The following CSMD1 variants were observed in gnomAD, a reference collection of about 807,000 sequenced individuals.
CSMD1 encodes CUB and sushi domain-containing protein 1.
Under a neutral mutation model 417.5 loss-of-function variants are expected in CSMD1, and 213 were observed. The ratio of observed to expected loss-of-function variants is 0.51; its 90% confidence interval spans 0.46 to 0.57. CSMD1 has a LOEUF of 0.57. Among genes scored for constraint, CSMD1 ranks in the 20% least tolerant of loss-of-function variants. The probability of loss-of-function intolerance (pLI) is 0.00; values close to 1 mark genes in which losing one functional copy is unlikely to be tolerated. For missense variants in CSMD1, 6,923 were observed against 4,529.7 expected, an observed-to-expected ratio of 1.53 and a Z score of -15.17; for synonymous variants, 2,862 against 1,736.8, an observed-to-expected ratio of 1.65 and a Z score of -16.11.
At chr8:4,843,304 C>T (rs1433607856) in intron 1 of CSMD1, among the ~76,000 whole-genome samples, 1 of 152,148 alleles carries the variant, frequency 6.6e-6, no homozygotes, top group East Asian at 1.9e-4. Flanking sequence ...ACCAGTATTT[C>T]TACCACCAGA....
At chr8:4,375,678 A>T (rs1384099203) in intron 3 of CSMD1, among the ~76,000 whole-genome samples, 1 of 152,122 alleles carries the variant, frequency 6.6e-6, no homozygotes, top group Admixed American at 6.6e-5. Context: ...GAATGCCCAC[A>T]GAGTGAGAGG....
intron 1 of CSMD1, among the ~76,000 whole-genome samples, chr8:4,940,598 T>G (rs1341941944): frequency 6.6e-6 from 1 of 152,208 alleles, no homozygotes; most frequent in Non-Finnish European, 1.5e-5. Flanking sequence ...GTCAGTGTTT[T>G]GATTCTGTTT....
At chr8:4,126,813 G>A (rs953711198) in intron 3 of CSMD1, among the ~76,000 whole-genome samples, 2 of 152,282 alleles carry the variant, frequency 1.3e-5, no homozygotes, top group East Asian at 3.9e-4. Flanking sequence ...GTCCTAACCT[G>A]GGGTAGGAGA....
chr8:3,753,863 G>A, intron 6 of CSMD1, 67 bp downstream of exon 6: 1 of 1,111,718 alleles, frequency 9.0e-7, no homozygotes, highest in Admixed American at 2.2e-5. Context: ...AAAATTTCAT[G>A]GCTAGAAAGG....
At chr8:4,939,910 T>C (rs1305329734) in intron 1 of CSMD1, among the ~76,000 whole-genome samples, 2 of 152,064 alleles carry the variant, frequency 1.3e-5, no homozygotes, top group Non-Finnish European at 2.9e-5. Context: ...GTACCATAAA[T>C]ATATATACAA....
chr8:3,494,991 A>G (rs7839045), intron 10 of CSMD1, among the ~76,000 whole-genome samples: 1 of 152,150 alleles, frequency 6.6e-6, no homozygotes, highest in African/African-American at 2.4e-5. Flanking sequence ...GCAATGCCAA[A>G]AAGGAATACA....
At chr8:4,678,340 G>A (rs191065561) in intron 1 of CSMD1, among the ~76,000 whole-genome samples, 7 of 152,142 alleles carry the variant, frequency 4.6e-5, no homozygotes, top group Non-Finnish European at 8.8e-5. Flanking sequence ...GAACCCAAGA[G>A]GTGGAGGTTG....
chr8:3,494,545 C>A (rs1796279094), intron 10 of CSMD1, among the ~76,000 whole-genome samples: 1 of 142,084 alleles, frequency 7.0e-6, no homozygotes, highest in African/African-American at 2.7e-5. Flanking sequence ...CAGATACAGA[C>A]AGATTAGATG....
chr8:4,034,077 G>T (rs1161687754), intron 3 of CSMD1, among the ~76,000 whole-genome samples: 1 of 152,102 alleles, frequency 6.6e-6, no homozygotes, highest in Non-Finnish European at 1.5e-5. Flanking sequence ...CTTTGCATCG[G>T]CATGGGGGTG....
chr8:4,691,629 A>T (rs1356716587), intron 1 of CSMD1, among the ~76,000 whole-genome samples: 2 of 152,124 alleles, frequency 1.3e-5, no homozygotes, highest in Non-Finnish European at 2.9e-5. Flanking sequence ...TCTGCACTCC[A>T]TCTATGCCTG....
intron 37 of CSMD1, among the ~76,000 whole-genome samples, chr8:3,162,811 TCATTAAACAGAAACAATATTTACAGAAC>T (rs1690417271): frequency 6.6e-6 from 1 of 152,186 alleles, no homozygotes; most frequent in South Asian, 2.1e-4. Context: ...AGTCTGTTCT[TCATTAAACAGAAACAATATTTACAGAAC>T]CTAAAGCTGT....
At chr8:4,001,103 G>C (rs1248334078) in intron 4 of CSMD1, among the ~76,000 whole-genome samples, 14 of 151,864 alleles carry the variant, frequency 9.2e-5, no homozygotes, top group Admixed American at 7.2e-4. Flanking sequence ...TGTCATGGCA[G>C]TCGATGAGCT....
intron 3 of CSMD1, among the ~76,000 whole-genome samples, chr8:4,211,152 A>G: frequency 6.6e-6 from 1 of 151,808 alleles, no homozygotes; most frequent in East Asian, 1.9e-4. Flanking sequence ...TCACTAAATA[A>G]TTTATCCAGG....
intron 3 of CSMD1, among the ~76,000 whole-genome samples, chr8:4,379,263 A>G (rs1802948125): frequency 6.6e-6 from 1 of 152,198 alleles, no homozygotes; most frequent in Admixed American, 6.5e-5. Context: ...ACTTTTTAAA[A>G]AATAGGTGAC....
At chr8:4,708,116 G>A (rs965639455) in intron 1 of CSMD1, among the ~76,000 whole-genome samples, 1 of 127,530 alleles carries the variant, frequency 7.8e-6, no homozygotes, top group Non-Finnish European at 1.8e-5. Flanking sequence ...CTAATTTTTT[G>A]TATTTTTTTT....
intron 23 of CSMD1, among the ~76,000 whole-genome samples, chr8:3,334,167 C>G (rs961554522): frequency 6.6e-6 from 1 of 152,166 alleles, no homozygotes; most frequent in South Asian, 2.1e-4. Context: ...TGACATCAAC[C>G]TTTTCAAGGT....
intron 6 of CSMD1, among the ~76,000 whole-genome samples, chr8:3,714,880 T>A (rs1482020090): frequency 1.3e-5 from 2 of 152,220 alleles, no homozygotes; most frequent in Non-Finnish European, 2.9e-5. Flanking sequence ...AAGTGAAACA[T>A]GTTTTGAACA....
chr8:3,339,633 T>C (rs1442397), intron 23 of CSMD1, among the ~76,000 whole-genome samples: 24,168 of 152,214 alleles, frequency 0.16, 2,036 homozygotes, highest in Middle Eastern at 0.25. Context: ...TACTCTGATA[T>C]CCAATGCTTC....
At chr8:4,757,207 T>C (rs1374781801) in intron 1 of CSMD1, among the ~76,000 whole-genome samples, 1 of 152,192 alleles carries the variant, frequency 6.6e-6, no homozygotes, top group Non-Finnish European at 1.5e-5. Flanking sequence ...AGTTTAGCTG[T>C]TTTACTTCAG....
Sources: gnomAD v4.1 joint callset for allele counts (sites outside exome capture counted in the v4.1 genomes callset) on GRCh38, gnomAD v4.1.1 for gene constraint, MANE v1.5 for transcripts, NCBI Gene and HGNC (gene_info 2026-07-23, HGNC 2026-07-21) for gene names.